RABGAP1L: variants seen among roughly 807,000 people sequenced by gnomAD.
RABGAP1L encodes the protein RAB GTPase activating protein 1 like, also known as rab GTPase-activating protein 1-like.
In RABGAP1L, 63 loss-of-function variants were observed where a neutral mutation model predicts 137.7. The ratio of observed to expected loss-of-function variants is 0.46; its 90% CI spans 0.37 to 0.56. The LOEUF is 0.56. RABGAP1L is among the 20% of genes least tolerant of loss of function. The pLI, the probability that RABGAP1L is intolerant of heterozygous loss-of-function variation, is 0.00. For missense variants in RABGAP1L, 1,095 were observed against 1,244.0 expected (o/e 0.88, Z 1.80); for synonymous variants, 431 against 433.7 (o/e 0.99, Z 0.08).
intron 12 of RABGAP1L, among the ~76,000 whole-genome samples, chr1:174,391,785 A>G (rs1266818496): frequency 6.6e-6 from 1 of 152,170 alleles, no homozygotes; most frequent in Non-Finnish European, 1.5e-5. Context: ...CCCTTACATG[A>G]TATTATAAAT....
chr1:174,781,750 A>G lies in RABGAP1L; in HGVS notation c.2211+29396A>G, dbSNP rs562824834. ...TCTTGAATTAATTTTTGTATAAGGT[A>G]TAAGGAAGGGATCCAGTTTCAGGTT... On this transcript the variant is annotated intron_variant, in intron 18 of 25. Transcript: ENST00000681986. 1.8e-4 allele frequency among the ~76,000 whole-genome samples: 28 copies of G among 152,222 alleles called. No homozygotes were observed. The East Asian group carries it at 2.7e-3, about 15-fold the overall frequency.
intron 18 of RABGAP1L, among the ~76,000 whole-genome samples, chr1:174,760,574 A>G (rs937013344): frequency 6.6e-6 from 1 of 152,204 alleles, no homozygotes; most frequent in East Asian, 1.9e-4. Flanking sequence ...GGTACTGTTG[A>G]TGGGCATCTA....
intron 19 of RABGAP1L, among the ~76,000 whole-genome samples, chr1:174,836,306 A>C (rs1692745601): frequency 6.6e-6 from 1 of 152,138 alleles, no homozygotes; most frequent in Non-Finnish European, 1.5e-5. Flanking sequence ...TGAAGGATAT[A>C]CTTTCTTTCT....
intron 11 of RABGAP1L, among the ~76,000 whole-genome samples, chr1:174,344,680 CTGAG>C (rs1377017176): frequency 2.0e-5 from 3 of 152,148 alleles, no homozygotes; most frequent in African/African-American, 7.2e-5. Flanking sequence ...TGGAAACAGG[CTGAG>C]TGACTGATTC....
chr1:174,661,202 G>A (rs774638878), intron 14 of RABGAP1L, among the ~76,000 whole-genome samples: 1 of 152,106 alleles, frequency 6.6e-6, no homozygotes, highest in Non-Finnish European at 1.5e-5. Context: ...ACTGTTCTGG[G>A]CTGTATATTA....
chr1:174,798,096 C>A (rs1386940045), intron 18 of RABGAP1L, among the ~76,000 whole-genome samples: 1 of 151,932 alleles, frequency 6.6e-6, no homozygotes, highest in Non-Finnish European at 1.5e-5. Flanking sequence ...AATACAGGCA[C>A]ACACTACTGT....
chr1:174,530,615 T>C (rs1664306083), intron 13 of RABGAP1L, among the ~76,000 whole-genome samples: 1 of 152,174 alleles, frequency 6.6e-6, no homozygotes. Flanking sequence ...TCCCTGCTGA[T>C]CCCAGCCAAG....
At chr1:174,476,890 A>G (rs2149320887) in intron 13 of RABGAP1L, among the ~76,000 whole-genome samples, 4 of 152,328 alleles carry the variant, frequency 2.6e-5, no homozygotes, top group Middle Eastern at 6.8e-3. Flanking sequence ...TAGATGTTCA[A>G]GGTTACAGAT....
At chr1:174,697,055 C>G (rs1679310548) in intron 15 of RABGAP1L, among the ~76,000 whole-genome samples, 1 of 152,118 alleles carries the variant, frequency 6.6e-6, no homozygotes, top group South Asian at 2.1e-4. Flanking sequence ...GTAGAGTTGC[C>G]TGTTTACTCT....
At chr1:174,272,072 A>G (rs1242445283) in intron 7 of RABGAP1L, among the ~76,000 whole-genome samples, 1 of 151,900 alleles carries the variant, frequency 6.6e-6, no homozygotes, top group African/African-American at 2.4e-5. Context: ...ATATGTTTGG[A>G]ATAAGTCTAA....
At chr1:174,261,487 A>G (rs1673576798) in intron 7 of RABGAP1L, among the ~76,000 whole-genome samples, 1 of 152,192 alleles carries the variant, frequency 6.6e-6, no homozygotes, top group African/African-American at 2.4e-5. Flanking sequence ...CATACTGTGT[A>G]GCATGGGTGA....
chr1:174,815,916 G>T (rs1345979185), intron 19 of RABGAP1L, among the ~76,000 whole-genome samples: 2 of 152,148 alleles, frequency 1.3e-5, no homozygotes, highest in South Asian at 2.1e-4. Context: ...TTGAAATCAA[G>T]ACCTAAATAA....
intron 13 of RABGAP1L, among the ~76,000 whole-genome samples, chr1:174,491,605 T>C (rs1455216855): frequency 1.3e-5 from 2 of 152,092 alleles, no homozygotes; most frequent in African/African-American, 4.8e-5. Context: ...GTAAGTTACA[T>C]GTCCCCCCAG....
At chr1:174,863,875 G>A (rs1008831766) in intron 19 of RABGAP1L, among the ~76,000 whole-genome samples, 1 of 151,792 alleles carries the variant, frequency 6.6e-6, no homozygotes, top group Non-Finnish European at 1.5e-5. Flanking sequence ...AGCTACTCGG[G>A]AGGCTGAGGC....
intron 1 of RABGAP1L, among the ~76,000 whole-genome samples, chr1:174,183,266 A>T (rs750223346): frequency 1.2e-4 from 19 of 152,202 alleles, no homozygotes; most frequent in Non-Finnish European, 4.4e-5. Context: ...TACATTATTC[A>T]ACTCACTCTT....
At chr1:174,386,843 G>A (rs1254025504) in intron 12 of RABGAP1L, among the ~76,000 whole-genome samples, 1 of 152,110 alleles carries the variant, frequency 6.6e-6, no homozygotes, top group Non-Finnish European at 1.5e-5. Flanking sequence ...AAGTTCTAGT[G>A]AGTAAGTGAA....
intron 17 of RABGAP1L, among the ~76,000 whole-genome samples, chr1:174,722,066 G>A (rs754360186): frequency 1.3e-5 from 2 of 151,968 alleles, no homozygotes; most frequent in Non-Finnish European, 2.9e-5. Context: ...CTAGTAGTTG[G>A]GATTACAGGC....
intron 3 of RABGAP1L, among the ~76,000 whole-genome samples, chr1:174,229,195 C>G (rs1001619927): frequency 6.6e-6 from 1 of 152,096 alleles, no homozygotes; most frequent in Admixed American, 6.5e-5. Context: ...GAGCTTGACA[C>G]TTGTTGTTGG....
intron 17 of RABGAP1L, among the ~76,000 whole-genome samples, chr1:174,736,142 T>C (rs930830035): frequency 3.9e-5 from 6 of 152,164 alleles, no homozygotes; most frequent in Non-Finnish European, 8.8e-5. Flanking sequence ...GTCCAAAGCC[T>C]CATCTGGAGA....
Sources: allele counts gnomAD v4.1 joint callset (sites outside exome capture counted in the v4.1 genomes callset), GRCh38; gene constraint gnomAD v4.1.1; transcripts MANE v1.5; gene names NCBI Gene and HGNC (gene_info 2026-07-23, HGNC 2026-07-21).